The following FAM133B variants were observed in gnomAD, a reference collection of about 807,000 sequenced individuals.
FAM133B encodes the protein protein FAM133B.
In FAM133B, 25 loss-of-function variants were observed where a neutral mutation model predicts 46.4. That is an observed-to-expected ratio of 0.54 (90% CI 0.39 to 0.75). The LOEUF (loss-of-function observed/expected upper bound fraction) is 0.75. Ranked by LOEUF, FAM133B falls within the 30% of genes least tolerant of loss-of-function variation. The pLI, the probability that FAM133B is intolerant of heterozygous loss-of-function variation, is 0.00. For missense variants in FAM133B, 205 were observed against 277.6 expected (o/e 0.74, Z 1.86); for synonymous variants, 75 against 86.0 (o/e 0.87, Z 0.71).
intron 2 of FAM133B, among the ~76,000 whole-genome samples, chr7:92,580,283 C>T (rs1489652871): frequency 2.7e-5 from 4 of 150,432 alleles, no homozygotes; most frequent in Admixed American, 6.6e-5. Context: ...TTTGTAGAGA[C>T]AGCATCTTGC....
At chr7:92,565,605 A>C (rs1794322212) in intron 10 of FAM133B, 1 of 168,992 alleles carries the variant, frequency 5.9e-6, no homozygotes, top group South Asian at 1.4e-4. Context: ...CTGGGACTAT[A>C]GGTGCCCGCC....
At chr7:92,578,805 G>A (rs1794777873) in intron 3 of FAM133B, among the ~76,000 whole-genome samples, 1 of 152,078 alleles carries the variant, frequency 6.6e-6, no homozygotes, top group Non-Finnish European at 1.5e-5. Context: ...CAGTACTTTG[G>A]GAGGCTAAGG....
chr7:92,588,367 T>TA (rs1484894301), intron 1 of FAM133B, among the ~76,000 whole-genome samples: 3 of 152,188 alleles, frequency 2.0e-5, no homozygotes, highest in Non-Finnish European at 4.4e-5. Context: ...AGGTGATCTC[T>TA]AAACATTCAA....
At chr7:92,588,241 G>C (rs1299384140) in intron 1 of FAM133B, among the ~76,000 whole-genome samples, 2 of 152,216 alleles carry the variant, frequency 1.3e-5, no homozygotes, top group Non-Finnish European at 2.9e-5. Context: ...AAATGTTCTA[G>C]TAAATGAAGC....
At chr7:92,572,267 C>T (rs1794554602) in intron 8 of FAM133B, among the ~76,000 whole-genome samples, 2 of 152,168 alleles carry the variant, frequency 1.3e-5, no homozygotes, top group African/African-American at 4.8e-5. Context: ...GCAATAATGA[C>T]ATCTCCCTGG....
chr7:92,564,184 C>A (rs1332565776), intron 10 of FAM133B, among the ~76,000 whole-genome samples: 1 of 152,202 alleles, frequency 6.6e-6, no homozygotes, highest in Non-Finnish European at 1.5e-5. Context: ...CACTATAGGT[C>A]TCTAAGAGCT....
intron 8 of FAM133B, among the ~76,000 whole-genome samples, chr7:92,575,268 G>T (rs1794660391): frequency 6.6e-6 from 1 of 152,130 alleles, no homozygotes; most frequent in East Asian, 1.9e-4. Context: ...CTGAGGTCAG[G>T]GTTTTGAAAG....
intron 8 of FAM133B, among the ~76,000 whole-genome samples, chr7:92,571,618 C>A (rs1293381431): frequency 1.3e-5 from 2 of 152,088 alleles, no homozygotes; most frequent in Non-Finnish European, 2.9e-5. Flanking sequence ...ATGTATTTGG[C>A]TTTATGTAGT....
chr7:92,585,863 T>C (rs1191000941), intron 1 of FAM133B, among the ~76,000 whole-genome samples: 4 of 152,024 alleles, frequency 2.6e-5, no homozygotes, highest in Non-Finnish European at 4.4e-5. Flanking sequence ...GTAAAGAAAA[T>C]GACAAAAATC....
intron 1 of FAM133B, among the ~76,000 whole-genome samples, chr7:92,586,369 A>C (rs1367475466): frequency 1.3e-5 from 2 of 152,240 alleles, no homozygotes; most frequent in Non-Finnish European, 2.9e-5. Context: ...CTTTAAAACT[A>C]TGCACAACAG....
intron 1 of FAM133B, among the ~76,000 whole-genome samples, chr7:92,582,282 ACATAACATAAC>A (rs1431106790): frequency 2.3e-3 from 314 of 139,230 alleles, no homozygotes; most frequent in African/African-American, 8.7e-3. Context: ...ACATAACATA[ACATAACATAAC>A]ATAACATAAA....
intron 9 of FAM133B, among the ~76,000 whole-genome samples, chr7:92,567,573 G>A (rs988587768): frequency 2.6e-5 from 4 of 152,008 alleles, no homozygotes; most frequent in African/African-American, 9.7e-5. Context: ...GAGCACCTAG[G>A]AAACAATATT....
chr7:92,580,910 G>A (rs562578894), intron 2 of FAM133B, among the ~76,000 whole-genome samples: 1 of 152,282 alleles, frequency 6.6e-6, no homozygotes, highest in African/African-American at 2.4e-5. Context: ...TTAACTCAAA[G>A]GAAGGATTCC....
chr7:92,583,221 C>T (rs146381539), intron 1 of FAM133B, among the ~76,000 whole-genome samples: 1 of 152,000 alleles, frequency 6.6e-6, no homozygotes, highest in African/African-American at 2.4e-5. Flanking sequence ...TGAAATAAAA[C>T]AAGAAAAACA....
chr7:92,571,057 T>C (rs1436483014), intron 8 of FAM133B, among the ~76,000 whole-genome samples: 1 of 152,200 alleles, frequency 6.6e-6, no homozygotes, highest in Non-Finnish European at 1.5e-5. Flanking sequence ...ACCCATCTCC[T>C]TCTGGAGGAA....
chr7:92,589,613 C>A (rs1436949737), intron 1 of FAM133B, among the ~76,000 whole-genome samples: 1 of 152,206 alleles, frequency 6.6e-6, no homozygotes, highest in Non-Finnish European at 1.5e-5. Flanking sequence ...CGGAACAAAA[C>A]TGACATTCCA....
intron 9 of FAM133B, among the ~76,000 whole-genome samples, chr7:92,568,524 ATTTT>A (rs745580425): frequency 1.7e-5 from 2 of 118,214 alleles, no homozygotes; most frequent in Admixed American, 9.0e-5. Context: ...CGCCTGGCTA[ATTTT>A]TTTTTTTTTT....
intron 8 of FAM133B, among the ~76,000 whole-genome samples, chr7:92,573,660 C>CT (rs963944682): frequency 2.7e-4 from 40 of 146,640 alleles, no homozygotes; most frequent in Admixed American, 1.1e-3. Context: ...TTCACACATA[C>CT]TTTTTTTTTT....
intron 3 of FAM133B, 140 bp downstream of exon 3, chr7:92,579,177 G>C (rs530784587): frequency 0.046 from 30,225 of 654,068 alleles, 2,011 homozygotes; most frequent in East Asian, 0.27. Context: ...GGGCGGCGGG[G>C]GGGGGCCTTA....
Sources: gnomAD v4.1 joint callset for allele counts (sites outside exome capture counted in the v4.1 genomes callset) on GRCh38, gnomAD v4.1.1 for gene constraint, MANE v1.5 for transcripts, NCBI Gene and HGNC (gene_info 2026-07-23, HGNC 2026-07-21) for gene names.